Variants in ZDHHC17 observed in about 807,000 individuals in gnomAD.
ZDHHC17 encodes the protein zDHHC palmitoyltransferase 17, also known as palmitoyltransferase ZDHHC17.
ZDHHC17 carries 40 observed loss-of-function variants against 90.3 expected under a neutral mutation model. The ratio of observed to expected loss-of-function variants is 0.44; its 90% CI spans 0.34 to 0.58. The LOEUF is 0.58. Among genes scored for constraint, ZDHHC17 ranks in the 20% least tolerant of loss-of-function variants. The pLI is 0.01. For missense variants in ZDHHC17, 614 were observed against 780.8 expected (o/e 0.79, Z 2.55); for synonymous variants, 235 against 252.4 (o/e 0.93, Z 0.65).
chr12:76,809,631 A>T, intron 4 of ZDHHC17, 82 bp from the exon 5 acceptor site: 1 of 1,153,152 alleles, frequency 8.7e-7, no homozygotes. Context: ...TTCCCACCAT[A>T]CCTTACTTGA....
intron 4 of ZDHHC17, 33 bp downstream of exon 4, chr12:76,809,153 G>A (rs760252362): frequency 1.4e-6 from 2 of 1,470,628 alleles, no homozygotes; most frequent in African/African-American, 1.5e-5. Flanking sequence ...TTTTCCTTTG[G>A]TTCCTTTATT....
At chr12:76,803,320 C>A (rs1480824182) in intron 2 of ZDHHC17, among the ~76,000 whole-genome samples, 5 of 152,096 alleles carry the variant, frequency 3.3e-5, no homozygotes, top group African/African-American at 1.2e-4. Context: ...TGATTTTGTT[C>A]AGAGTCTGTC....
intron 14 of ZDHHC17, among the ~76,000 whole-genome samples, chr12:76,847,257 G>A (rs1372966560): frequency 6.6e-6 from 1 of 152,188 alleles, no homozygotes; most frequent in Non-Finnish European, 1.5e-5. Context: ...AAGTGGATAC[G>A]TCACTTACGA....
At chr12:76,806,863 C>T (rs1470610061) in intron 3 of ZDHHC17, among the ~76,000 whole-genome samples, 2 of 152,230 alleles carry the variant, frequency 1.3e-5, no homozygotes, top group African/African-American at 4.8e-5. Context: ...TTAAGTGCAA[C>T]ACACGGAGTG....
chr12:76,824,825 C>T (rs1306078940), intron 8 of ZDHHC17, among the ~76,000 whole-genome samples: 5 of 147,790 alleles, frequency 3.4e-5, no homozygotes, highest in Admixed American at 6.8e-5. Context: ...CCTGGGTGAC[C>T]GAGTGAGACC....
Position 76,805,113 on chromosome 12 carries a change from T to A in ZDHHC17, c.198-204T>A, listed in dbSNP as rs1213437481. Reference sequence around the variant, plus strand: ...TTTCATATAGTGAGATTTTACATTCTTATAAGTGAGACATTTTAGAACTGT... The same window carrying A: ...TTTCATATAGTGAGATTTTACATTCATATAAGTGAGACATTTTAGAACTGT... On this transcript the variant is annotated intron_variant, in intron 2 of 16. Transcript: ENST00000426126. Among the ~76,000 whole-genome samples the A allele has an allele frequency of 2.0e-5, 3 of 152,210 alleles. No homozygotes were observed. In the East Asian group the frequency reaches 5.8e-4, roughly 29 times the overall value.
Position 76,849,455 on chromosome 12 carries a change from T to C in ZDHHC17, c.1745T>C (p.Ile582Thr), listed in dbSNP as rs372355691. Residue 582 changes from isoleucine to threonine, a missense_variant, in exon 16 of 17, where the codon ATT (isoleucine) becomes ACT (threonine). By Grantham distance (89) the Ile-to-Thr change is moderately conservative. Transcript: ENST00000426126. ...CACTTTAAAGTCACAACAACGTCTA[T>C]TGAAAGCCCATTCAAGTATGTACAT... ...YKHFKVTTTS[I>T]ESPFNHGCVR... 2.9e-5 allele frequency: 44 copies of C among 1,543,302 alleles called. No individual in the cohort carries two copies. Among genetic ancestry groups the C allele is most frequent in the Non-Finnish European group, 4.4e-6 (5 of 1,143,634 alleles).
chr12:76,804,211 C>T (rs559996919), intron 2 of ZDHHC17, among the ~76,000 whole-genome samples: 1 of 152,300 alleles, frequency 6.6e-6, no homozygotes, highest in African/African-American at 2.4e-5. Flanking sequence ...AGAAGTCTTA[C>T]CAGCAGTGGG....
chr12:76,830,875 T>C (rs900943701), intron 10 of ZDHHC17, among the ~76,000 whole-genome samples: 2 of 152,158 alleles, frequency 1.3e-5, no homozygotes, highest in Admixed American at 6.5e-5. Flanking sequence ...TTTCATTTTT[T>C]TCCTTTATTC....
At chr12:76,791,027 G>A (rs774270419) in intron 1 of ZDHHC17, among the ~76,000 whole-genome samples, 1 of 152,122 alleles carries the variant, frequency 6.6e-6, no homozygotes, top group African/African-American at 2.4e-5. Flanking sequence ...ATCCTGTTTT[G>A]GTCATTGTAC....
At chr12:76,774,244 T>A (rs1952530221) in intron 1 of ZDHHC17, among the ~76,000 whole-genome samples, 1 of 120,670 alleles carries the variant, frequency 8.3e-6, no homozygotes, top group African/African-American at 3.1e-5. Flanking sequence ...AGTGAGACCC[T>A]GTCTCAAAAT....
intron 10 of ZDHHC17, 52 bp downstream of exon 10, chr12:76,828,542 G>A (rs376171528): frequency 6.7e-7 from 1 of 1,494,612 alleles, no homozygotes; most frequent in African/African-American, 1.4e-5. Context: ...TTTGTTATTT[G>A]AATAGATGTT....
chr12:76,823,506 A>G (rs1370308968), intron 8 of ZDHHC17, among the ~76,000 whole-genome samples: 1 of 152,236 alleles, frequency 6.6e-6, no homozygotes, highest in Non-Finnish European at 1.5e-5. Context: ...ATTGCCGTAG[A>G]GTTTCTTTAT....
chr12:76,781,980 A>G (rs1001086143), intron 1 of ZDHHC17, among the ~76,000 whole-genome samples: 6 of 152,228 alleles, frequency 3.9e-5, no homozygotes, highest in African/African-American at 1.4e-4. Context: ...CCTGGAGCCT[A>G]AAGCTAAGGA....
At chr12:76,807,102 A>T (rs1187679263) in intron 3 of ZDHHC17, among the ~76,000 whole-genome samples, 1 of 152,222 alleles carries the variant, frequency 6.6e-6, no homozygotes, top group Non-Finnish European at 1.5e-5. Flanking sequence ...TTAGGGACAC[A>T]AGAATGAATC....
intron 16 of ZDHHC17, 124 bp downstream of exon 16, chr12:76,849,594 G>T: frequency 1.7e-6 from 1 of 601,038 alleles, no homozygotes; most frequent in Admixed American, 3.6e-5. Flanking sequence ...TGTAGAAATA[G>T]CATCAGTTCA....
chr12:76,782,786 A>G (rs1952641963), intron 1 of ZDHHC17, among the ~76,000 whole-genome samples: 1 of 152,072 alleles, frequency 6.6e-6, no homozygotes. Context: ...ACCTCAGTGT[A>G]GAACTGGGCT....
chr12:76,783,899 T>C (rs1281668673), intron 1 of ZDHHC17, among the ~76,000 whole-genome samples: 1 of 152,124 alleles, frequency 6.6e-6, no homozygotes, highest in Non-Finnish European at 1.5e-5. Flanking sequence ...GATTTGAAAA[T>C]GTTTGCCTTG....
chr12:76,815,124 T>C (rs1356413791), intron 5 of ZDHHC17, 22 bp from the exon 6 acceptor site: 2 of 1,524,736 alleles, frequency 1.3e-6, no homozygotes, highest in Non-Finnish European at 1.8e-6. Context: ...CTGTCTGACT[T>C]TTTTTCTTTT....
Sources: gnomAD v4.1 joint callset for allele counts (sites outside exome capture counted in the v4.1 genomes callset) on GRCh38, gnomAD v4.1.1 for gene constraint, MANE v1.5 for transcripts, NCBI Gene and HGNC (gene_info 2026-07-23, HGNC 2026-07-21) for gene names.